The following MAGI2 variants were observed in gnomAD, a reference collection of about 807,000 sequenced individuals.
MAGI2 encodes membrane-associated guanylate kinase, WW and PDZ domain-containing protein 2.
Under a neutral mutation model 133.3 loss-of-function variants are expected in MAGI2, and 35 were observed. The ratio of observed to expected loss-of-function variants is 0.26; its 90% CI spans 0.20 to 0.35. The LOEUF (loss-of-function observed/expected upper bound fraction) is 0.35, where lower values mean the gene tolerates loss of function less well. MAGI2 is among the 10% of genes least tolerant of loss of function. MAGI2 has a pLI of 1.00. For synonymous variants in MAGI2, 729 were observed against 710.6 expected (o/e 1.03, Z -0.41); for missense variants, 1,636 against 1,863.4 (o/e 0.88, Z 2.25).
chr7:78,578,713 C>G (rs184284900), intron 3 of MAGI2, among the ~76,000 whole-genome samples: 1 of 152,228 alleles, frequency 6.6e-6, no homozygotes, highest in East Asian at 1.9e-4. Context: ...GCTTCTAGAG[C>G]TGTGGATGTG....
intron 14 of MAGI2, among the ~76,000 whole-genome samples, chr7:78,171,128 C>T (rs1332209615): frequency 1.3e-5 from 2 of 152,120 alleles, no homozygotes; most frequent in Non-Finnish European, 2.9e-5. Context: ...AGAGATAGCT[C>T]GATATATCTC....
chr7:78,211,905 C>T (rs1787799947), intron 10 of MAGI2, among the ~76,000 whole-genome samples: 2 of 152,262 alleles, frequency 1.3e-5, no homozygotes, highest in East Asian at 1.9e-4. Flanking sequence ...CTGTTTTCAT[C>T]CCATTGGAGT....
chr7:79,412,489 C>T (rs1263413628), intron 1 of MAGI2: 1 of 152,030 alleles, frequency 6.6e-6, no homozygotes, highest in Non-Finnish European at 1.5e-5. Flanking sequence ...GGCTAAGCTC[C>T]CACACAAGCT....
intron 6 of MAGI2, among the ~76,000 whole-genome samples, chr7:78,477,972 G>A (rs1482920339): frequency 6.6e-6 from 1 of 151,452 alleles, no homozygotes; most frequent in Non-Finnish European, 1.5e-5. Flanking sequence ...CGTGCAGAAC[G>A]TGCAGGTTTG....
intron 2 of MAGI2, among the ~76,000 whole-genome samples, chr7:78,653,471 C>G (rs780397944): frequency 6.6e-6 from 1 of 152,118 alleles, no homozygotes; most frequent in African/African-American, 2.4e-5. Context: ...AGGATGAGTT[C>G]ATGTCCTTTG....
At chr7:78,369,292 G>A (rs1340157873) in intron 6 of MAGI2, 79 bp from the exon 7 acceptor site, 3 of 1,026,142 alleles carry the variant, frequency 2.9e-6, no homozygotes, top group Non-Finnish European at 4.4e-6. Flanking sequence ...AATTGTTCAT[G>A]GATTGCAGAA....
At chr7:79,410,549 G>C (rs2129170844) in intron 1 of MAGI2, 1 of 152,134 alleles carries the variant, frequency 6.6e-6, no homozygotes, top group East Asian at 1.9e-4. Context: ...CCAAGGAGGA[G>C]AGCCACCTGC....
intron 2 of MAGI2, among the ~76,000 whole-genome samples, chr7:78,784,545 G>A (rs938671208): frequency 1.3e-5 from 2 of 152,134 alleles, no homozygotes; most frequent in Non-Finnish European, 2.9e-5. Context: ...AACCTCTTCC[G>A]ATAGTAGGTC....
chr7:78,127,371 G>A lies in MAGI2; in HGVS notation c.3249C>T (p.Ile1083=). The A allele has an allele frequency of 6.2e-7, 1 of 1,607,908 alleles. No individual in the cohort carries two copies. Among genetic ancestry groups the A allele is most frequent in the Non-Finnish European group, 8.5e-7 (1 of 1,179,954 alleles). ...VKARQDVKPD[I]RQPPFTDYRQ... is the part of the protein sequence containing the mutation. ...TGTAGTCTGTGAATGGAGGCTGTCG[G>A]ATGTCTGGTTTCACATCTTGCCTTG... Residue 1083 remains isoleucine (I), a synonymous_variant, in exon 19 of 22, where the codon ATC becomes ATT. Transcript: ENST00000354212.
At chr7:78,240,174 T>TGCCCTG (rs930542357) in intron 10 of MAGI2, among the ~76,000 whole-genome samples, 12 of 152,216 alleles carry the variant, frequency 7.9e-5, no homozygotes, top group African/African-American at 2.9e-4. Context: ...TGATGTTCCC[T>TGCCCTG]GCCCTGTGTC....
At chr7:78,564,870 T>G (rs1026794705) in intron 3 of MAGI2, among the ~76,000 whole-genome samples, 3 of 130,660 alleles carry the variant, frequency 2.3e-5, no homozygotes, top group African/African-American at 8.5e-5. Context: ...CTCTGCTCAC[T>G]GCAAGCTCCG....
chr7:78,874,414 G>A (rs1242384469), intron 2 of MAGI2, among the ~76,000 whole-genome samples: 1 of 152,132 alleles, frequency 6.6e-6, no homozygotes, highest in Non-Finnish European at 1.5e-5. Flanking sequence ...TAGGGTTCTG[G>A]CTTTTGGTAA....
intron 2 of MAGI2, among the ~76,000 whole-genome samples, chr7:78,903,680 A>T (rs1431073654): frequency 2.0e-5 from 3 of 152,120 alleles, no homozygotes; most frequent in Non-Finnish European, 2.9e-5. Context: ...CCTGACATAC[A>T]TTTTGACATA....
At chr7:78,670,867 T>C (rs1426830398) in intron 2 of MAGI2, among the ~76,000 whole-genome samples, 1 of 152,216 alleles carries the variant, frequency 6.6e-6, no homozygotes, top group Non-Finnish European at 1.5e-5. Context: ...CATTCTACTT[T>C]ATCATTAAAA....
chr7:78,400,339 T>A (rs1410598978), intron 6 of MAGI2, among the ~76,000 whole-genome samples: 1 of 136,336 alleles, frequency 7.3e-6, no homozygotes, highest in Non-Finnish European at 1.6e-5. Context: ...AATACTCTAT[T>A]ATCTACTTAC....
Position 78,745,543 on chromosome 7 carries a change from AC to A in MAGI2, c.419-118305del, listed in dbSNP as rs369509841. On this transcript the variant is annotated intron_variant, in intron 2 of 21. Coordinates refer to ENST00000354212, the MANE Select transcript of MAGI2 (RefSeq NM_012301.4). ...AGTTGATCTTGATTTAAAAAAAAAA[AC>A]AACAACAACGTTATTTCCAGAGGAT... 2.7e-3 allele frequency among the ~76,000 whole-genome samples: 376 copies of A among 139,350 alleles called. 1 individual carries two copies. The highest frequency in any genetic ancestry group is 8.9e-3 in the African/African-American group (360 of 40,586). 91.4% of individuals were successfully genotyped at this position (139,350 alleles called of 152,430 possible).
At chr7:78,927,602 C>T (rs1186804711) in intron 2 of MAGI2, among the ~76,000 whole-genome samples, 1 of 151,766 alleles carries the variant, frequency 6.6e-6, no homozygotes, top group Non-Finnish European at 1.5e-5. Context: ...TCTTAACCTA[C>T]CTTCACACTA....
At chr7:78,498,579 T>C (rs1794337892) in intron 5 of MAGI2, among the ~76,000 whole-genome samples, 1 of 151,972 alleles carries the variant, frequency 6.6e-6, no homozygotes, top group Non-Finnish European at 1.5e-5. Flanking sequence ...CAGTAAACCA[T>C]AGGCAGAGAG....
chr7:78,985,206 A>C (rs1805147753), intron 2 of MAGI2, among the ~76,000 whole-genome samples: 1 of 151,938 alleles, frequency 6.6e-6, no homozygotes, highest in African/African-American at 2.4e-5. Context: ...ACTTTTGTAA[A>C]TGAGTTGTAA....
Sources: allele counts gnomAD v4.1 joint callset (sites outside exome capture counted in the v4.1 genomes callset), GRCh38; gene constraint gnomAD v4.1.1; transcripts MANE v1.5; gene names NCBI Gene and HGNC (gene_info 2026-07-23, HGNC 2026-07-21).